The following KAZN variants were observed in gnomAD, a reference collection of about 807,000 sequenced individuals.
KAZN encodes the protein kazrin.
A neutral mutation model predicts 87.4 loss-of-function variants in KAZN; 40 were observed. The observed-to-expected ratio is 0.46, with a 90% CI of 0.36 to 0.60. KAZN has a LOEUF of 0.60. KAZN is among the 20% of genes least tolerant of loss of function. The pLI is 0.00. For missense variants in KAZN, 898 were observed against 1,073.9 expected (o/e 0.84, Z 2.29); for synonymous variants, 466 against 458.3 (o/e 1.02, Z -0.22).
At chr1:15,000,005 A>T (rs1180531010) in intron 2 of KAZN, among the ~76,000 whole-genome samples, 1 of 152,116 alleles carries the variant, frequency 6.6e-6, no homozygotes, top group South Asian at 2.1e-4. Flanking sequence ...ACCTGTGGAT[A>T]TATTATATGG....
chr1:15,003,108 C>T (rs552537062), intron 2 of KAZN, among the ~76,000 whole-genome samples: 4 of 152,154 alleles, frequency 2.6e-5, no homozygotes, highest in Non-Finnish European at 2.9e-5. Context: ...AAAGGCCCCA[C>T]GGCTGGGACG....
intron 2 of KAZN, among the ~76,000 whole-genome samples, chr1:14,363,551 ACTGT>A (rs1349383157): frequency 6.6e-6 from 1 of 152,202 alleles, no homozygotes; most frequent in Non-Finnish European, 1.5e-5. Flanking sequence ...TTTTCTCAGC[ACTGT>A]CTTAGTGAAA....
At chr1:14,782,896 T>C (rs1362065846) in intron 1 of KAZN, among the ~76,000 whole-genome samples, 1 of 152,146 alleles carries the variant, frequency 6.6e-6, no homozygotes, top group Admixed American at 6.5e-5. Flanking sequence ...TGTAGAGGGC[T>C]AATTTTTCCT....
intron 2 of KAZN, among the ~76,000 whole-genome samples, chr1:14,501,594 G>A (rs1027014317): frequency 2.0e-5 from 3 of 152,142 alleles, no homozygotes; most frequent in Non-Finnish European, 4.4e-5. Flanking sequence ...CAACAGAGGT[G>A]CAAGAATTCT....
intron 2 of KAZN, among the ~76,000 whole-genome samples, chr1:14,289,053 G>A (rs1351074414): frequency 2.0e-5 from 3 of 152,182 alleles, no homozygotes; most frequent in African/African-American, 7.2e-5. Flanking sequence ...GAGACATTTT[G>A]TTGTGATTTC....
At chr1:14,131,867 T>C (rs193063985) in intron 1 of KAZN, among the ~76,000 whole-genome samples, 4 of 152,154 alleles carry the variant, frequency 2.6e-5, no homozygotes, top group Non-Finnish European at 5.9e-5. Context: ...AAATTCAGAC[T>C]CATTTTTTTA....
At chr1:14,904,451 C>T (rs575408127) in intron 1 of KAZN, among the ~76,000 whole-genome samples, 3 of 152,196 alleles carry the variant, frequency 2.0e-5, no homozygotes, top group African/African-American at 7.2e-5. Flanking sequence ...GCAGGTACAG[C>T]TTTGCTACCC....
chr1:14,723,189 T>C (rs1293296807), intron 1 of KAZN, among the ~76,000 whole-genome samples: 2 of 152,120 alleles, frequency 1.3e-5, no homozygotes, highest in Non-Finnish European at 2.9e-5. Context: ...GGCTGCACCA[T>C]AGTCAAGGGG....
At chr1:14,708,407 T>C (rs188287701) in intron 1 of KAZN, among the ~76,000 whole-genome samples, 141 of 152,336 alleles carry the variant, frequency 9.3e-4, no homozygotes, top group Non-Finnish European at 1.9e-4. Context: ...TAAATCCCAG[T>C]CTCTTCAGCA....
chr1:14,725,314 AC>A (rs1198134341), intron 1 of KAZN, among the ~76,000 whole-genome samples: 1 of 150,880 alleles, frequency 6.6e-6, no homozygotes, highest in Non-Finnish European at 1.5e-5. Context: ...CCTACCTGGG[AC>A]CCCCTCCTTA....
chr1:14,581,672 G>A, intron 2 of KAZN, among the ~76,000 whole-genome samples: 1 of 152,032 alleles, frequency 6.6e-6, no homozygotes, highest in Non-Finnish European at 1.5e-5. Flanking sequence ...CTTCTCTCTG[G>A]CCTCATCTGC....
chr1:14,806,343 A>G (rs905921646), intron 1 of KAZN, among the ~76,000 whole-genome samples: 6 of 152,212 alleles, frequency 3.9e-5, no homozygotes, highest in African/African-American at 1.4e-4. Flanking sequence ...ATGTCAGTCC[A>G]TGGCCTGCCG....
chr1:13,909,498 C>A (rs1337880246), intron 1 of KAZN, among the ~76,000 whole-genome samples: 1 of 152,028 alleles, frequency 6.6e-6, no homozygotes, highest in African/African-American at 2.4e-5. Flanking sequence ...TGGATATGTT[C>A]TATCTCAGCC....
intron 1 of KAZN, among the ~76,000 whole-genome samples, chr1:13,987,234 T>C (rs936582968): frequency 3.9e-5 from 6 of 152,130 alleles, no homozygotes; most frequent in African/African-American, 1.4e-4. Flanking sequence ...ACATGTGCCA[T>C]GGTGGTTTGC....
At chr1:14,918,664 A>C (rs1658081964) in intron 1 of KAZN, among the ~76,000 whole-genome samples, 1 of 121,368 alleles carries the variant, frequency 8.2e-6, no homozygotes, top group Non-Finnish European at 1.7e-5. Flanking sequence ...CGACAGAGTA[A>C]GACTCCATCT....
intron 1 of KAZN, among the ~76,000 whole-genome samples, chr1:14,093,058 C>G (rs2101624518): frequency 6.6e-6 from 1 of 152,310 alleles, no homozygotes; most frequent in Non-Finnish European, 1.5e-5. Flanking sequence ...CCTGTTGCAT[C>G]TGCCCCATGC....
intron 1 of KAZN, among the ~76,000 whole-genome samples, chr1:14,928,761 G>A (rs1659461070): frequency 6.6e-6 from 1 of 152,202 alleles, no homozygotes; most frequent in African/African-American, 2.4e-5. Flanking sequence ...TGCTAGCAGG[G>A]CGAGGGCAGG....
intron 1 of KAZN, among the ~76,000 whole-genome samples, chr1:14,686,327 T>C (rs965117325): frequency 2.0e-5 from 3 of 152,134 alleles, no homozygotes; most frequent in African/African-American, 7.2e-5. Context: ...CCTCCCAAAG[T>C]GCTGGGATTA....
intron 2 of KAZN, among the ~76,000 whole-genome samples, chr1:14,274,357 C>G (rs79320521): frequency 0.041 from 6,282 of 152,080 alleles, 159 homozygotes; most frequent in Middle Eastern, 0.075. Context: ...TCACCAAACA[C>G]ACCACCCTCC....
Sources: allele counts gnomAD v4.1 joint callset (sites outside exome capture counted in the v4.1 genomes callset), GRCh38; gene constraint gnomAD v4.1.1; transcripts MANE v1.5; gene names NCBI Gene and HGNC (gene_info 2026-07-23, HGNC 2026-07-21).